Variants in NELL2 observed in about 807,000 individuals in gnomAD.
The protein encoded by NELL2 is protein kinase C-binding protein NELL2.
In NELL2, 41 loss-of-function variants were observed where a neutral mutation model predicts 109.6. The observed-to-expected ratio is 0.37, with a 90% CI of 0.29 to 0.49. The LOEUF (loss-of-function observed/expected upper bound fraction) is 0.49. NELL2 is among the 20% of genes least tolerant of loss of function. The probability of loss-of-function intolerance (pLI) is 0.98; values close to 1 mark genes in which losing one functional copy is unlikely to be tolerated. For missense variants in NELL2, 900 were observed against 1,008.3 expected, an observed-to-expected ratio of 0.89 and a Z score of 1.45; for synonymous variants, 355 against 344.7, an observed-to-expected ratio of 1.03 and a Z score of -0.33.
At chr12:44,608,857 C>A (rs1262214062) in intron 14 of NELL2, among the ~76,000 whole-genome samples, 1 of 151,140 alleles carries the variant, frequency 6.6e-6, no homozygotes, top group East Asian at 1.9e-4. Context: ...CCCAGTGGAT[C>A]CCTGAAACCT....
intron 1 of NELL2, among the ~76,000 whole-genome samples, chr12:44,908,091 G>A (rs1313680486): frequency 6.6e-6 from 1 of 152,012 alleles, no homozygotes; most frequent in Non-Finnish European, 1.5e-5. Context: ...AGAGGAAAAT[G>A]TATGAAATGG....
intron 9 of NELL2, among the ~76,000 whole-genome samples, chr12:44,770,627 A>T (rs1941510482): frequency 6.6e-6 from 1 of 152,228 alleles, no homozygotes. Context: ...ACCTTGCTCA[A>T]CCAAAAGAAT....
intron 18 of NELL2, 63 bp from the exon 19 acceptor site, chr12:44,520,292 G>T: frequency 7.8e-7 from 1 of 1,287,004 alleles, no homozygotes; most frequent in Non-Finnish European, 1.1e-6. Context: ...GGGAGGCCAG[G>T]AAAAAGCAGA....
intron 13 of NELL2, 35 bp downstream of exon 13, chr12:44,665,448 TA>T: frequency 6.4e-7 from 1 of 1,557,038 alleles, no homozygotes; most frequent in Non-Finnish European, 8.7e-7. Flanking sequence ...ACTTAAGACA[TA>T]AAAATATTTT....
chr12:44,905,545 C>T (rs1945710117), intron 1 of NELL2, among the ~76,000 whole-genome samples: 1 of 152,068 alleles, frequency 6.6e-6, no homozygotes, highest in Admixed American at 6.6e-5. Context: ...CCAGCAAAAA[C>T]ATAAGCATGG....
intron 9 of NELL2, among the ~76,000 whole-genome samples, chr12:44,745,896 C>G (rs1287880638): frequency 4.6e-5 from 7 of 152,244 alleles, no homozygotes; most frequent in Admixed American, 2.6e-4. Context: ...AGATTCAATG[C>G]CATCCCCATC....
At chr12:44,711,432 C>T (rs760685076) in intron 10 of NELL2, 38 bp from the exon 11 acceptor site, 4 of 1,526,910 alleles carry the variant, frequency 2.6e-6, no homozygotes, top group Non-Finnish European at 3.6e-6. Flanking sequence ...CAAATTTTAT[C>T]ATTAGGACTT....
intron 15 of NELL2, among the ~76,000 whole-genome samples, chr12:44,539,380 G>T (rs937125768): frequency 2.0e-5 from 3 of 151,960 alleles, no homozygotes; most frequent in Non-Finnish European, 2.9e-5. Context: ...GAAATTGGCG[G>T]GGGGGATGCC....
chr12:44,836,559 G>C (rs1944060241), intron 2 of NELL2, among the ~76,000 whole-genome samples: 1 of 152,176 alleles, frequency 6.6e-6, no homozygotes, highest in East Asian at 1.9e-4. Context: ...ATAAAGGGAG[G>C]AGGCTACAGA....
At chr12:44,654,012 G>A (rs1045994999) in intron 13 of NELL2, among the ~76,000 whole-genome samples, 3 of 152,044 alleles carry the variant, frequency 2.0e-5, no homozygotes, top group Non-Finnish European at 4.4e-5. Flanking sequence ...TGAAACGTCT[G>A]TTCATCCTTA....
intron 12 of NELL2, among the ~76,000 whole-genome samples, chr12:44,693,044 T>C (rs545635633): frequency 6.6e-6 from 1 of 152,266 alleles, no homozygotes; most frequent in East Asian, 1.9e-4. Flanking sequence ...TAAGATGCTA[T>C]CAAATAGCAT....
At chr12:44,886,339 TTCA>T (rs1945473722) in intron 1 of NELL2, among the ~76,000 whole-genome samples, 2 of 151,806 alleles carry the variant, frequency 1.3e-5, no homozygotes, top group Admixed American at 1.3e-4. Context: ...GAAATTATAC[TTCA>T]TCAAAATTAA....
At chr12:44,877,508 T>C (rs1031012297), upstream of NELL2, among the ~76,000 whole-genome samples, 7 of 152,202 alleles carry the variant, frequency 4.6e-5, no homozygotes, top group African/African-American at 1.7e-4. Context: ...CATGCAAACA[T>C]GTGGGTACTG....
At chr12:44,815,724 T>C (rs1022645092) in intron 3 of NELL2, among the ~76,000 whole-genome samples, 1 of 152,172 alleles carries the variant, frequency 6.6e-6, no homozygotes, top group Non-Finnish European at 1.5e-5. Context: ...GTTCAATCAA[T>C]TTTCTTGCCT....
chr12:44,907,726 A>G (rs1945735252), intron 1 of NELL2, among the ~76,000 whole-genome samples: 1 of 152,070 alleles, frequency 6.6e-6, no homozygotes, highest in African/African-American at 2.4e-5. Context: ...TTGTTTTAAA[A>G]TGAAAGATAC....
At chr12:44,697,313 C>T (rs1949094682) in intron 12 of NELL2, among the ~76,000 whole-genome samples, 1 of 152,092 alleles carries the variant, frequency 6.6e-6, no homozygotes, top group East Asian at 1.9e-4. Flanking sequence ...AGGAACCAGC[C>T]CTGACCAGGA....
At chr12:44,604,655 T>C (rs960400709) in intron 15 of NELL2, among the ~76,000 whole-genome samples, 1 of 152,034 alleles carries the variant, frequency 6.6e-6, no homozygotes, top group Non-Finnish European at 1.5e-5. Context: ...GGGGTGGGAA[T>C]GAAGTGAGAT....
intron 15 of NELL2, among the ~76,000 whole-genome samples, chr12:44,558,583 C>G (rs1456294672): frequency 6.6e-6 from 1 of 152,112 alleles, no homozygotes; most frequent in African/African-American, 2.4e-5. Context: ...TCAGGGAACT[C>G]CCTCCCCTCC....
In NELL2 at chr12:44,665,659, G is replaced by A. The variant is rs200972284; in HGVS notation, c.1319-50C>T. The A allele has an allele frequency of 4.8e-5, 73 of 1,531,294 alleles. 1 individual carries two copies. The African/African-American group carries it at 9.0e-4, about 19-fold the overall frequency. 94.9% of individuals were successfully genotyped at this position (1,531,294 alleles called of 1,614,324 possible). On this transcript the variant is annotated intron_variant, in intron 12 of 19. Transcript: ENST00000429094. ...GGTCAACAGTGGGCAATATTCTGGA[G>A]CTCCTATATAATTTTCTTTGGTAGG... is the stretch of plus-strand genomic sequence containing the variant.
Sources: allele counts gnomAD v4.1 joint callset (sites outside exome capture counted in the v4.1 genomes callset), GRCh38; gene constraint gnomAD v4.1.1; transcripts MANE v1.5; gene names NCBI Gene and HGNC (gene_info 2026-07-23, HGNC 2026-07-21).